UBE2G1: variants seen among roughly 807,000 people sequenced by gnomAD.
The protein encoded by UBE2G1 is ubiquitin conjugating enzyme E2 G1, also known as ubiquitin-conjugating enzyme E2 G1.
A neutral mutation model predicts 22.7 loss-of-function variants in UBE2G1; 5 were observed. The observed-to-expected ratio is 0.22, with a 90% CI of 0.12 to 0.46. The LOEUF is 0.46. Ranked by LOEUF, UBE2G1 falls within the 20% of genes least tolerant of loss-of-function variation. The probability of loss-of-function intolerance (pLI) is 0.99; values close to 1 mark genes in which losing one functional copy is unlikely to be tolerated. For missense variants in UBE2G1, 88 were observed against 203.9 expected (o/e 0.43, Z 3.46); for synonymous variants, 74 against 67.5 (o/e 1.10, Z -0.47).
chr17:4,353,135 T>G (rs1225985561), intron 1 of UBE2G1, among the ~76,000 whole-genome samples: 1 of 152,020 alleles, frequency 6.6e-6, no homozygotes, highest in Non-Finnish European at 1.5e-5. Flanking sequence ...GGAGAATTGC[T>G]TGAACCCAGG....
At chr17:4,337,487 T>C (rs1455151706) in intron 1 of UBE2G1, among the ~76,000 whole-genome samples, 1 of 151,666 alleles carries the variant, frequency 6.6e-6, no homozygotes, top group East Asian at 1.9e-4. Context: ...ACCCTGACTC[T>C]ACTAAAAATA....
At chr17:4,327,667 A>G (rs1172029153) in intron 1 of UBE2G1, among the ~76,000 whole-genome samples, 1 of 152,148 alleles carries the variant, frequency 6.6e-6, no homozygotes, top group Non-Finnish European at 1.5e-5. Flanking sequence ...AAAGTCCAAT[A>G]TACATATCAG....
At chr17:4,337,429 G>A (rs1969662034) in intron 1 of UBE2G1, among the ~76,000 whole-genome samples, 1 of 151,926 alleles carries the variant, frequency 6.6e-6, no homozygotes, top group Non-Finnish European at 1.5e-5. Context: ...GAGGCAGGTG[G>A]ATCACCTGAG....
At chr17:4,285,499 CA>C (rs1219481855) in intron 4 of UBE2G1, among the ~76,000 whole-genome samples, 3 of 152,018 alleles carry the variant, frequency 2.0e-5, no homozygotes, top group African/African-American at 7.3e-5. Context: ...ATTTAATTGC[CA>C]CATACCCTAA....
chr17:4,328,867 A>G (rs1306784267), intron 1 of UBE2G1, among the ~76,000 whole-genome samples: 1 of 152,154 alleles, frequency 6.6e-6, no homozygotes, highest in Non-Finnish European at 1.5e-5. Context: ...CGGGCAGATC[A>G]CGAGGTCAGG....
chr17:4,286,279 C>A (rs992943674), intron 4 of UBE2G1, among the ~76,000 whole-genome samples: 3 of 151,758 alleles, frequency 2.0e-5, no homozygotes, highest in Non-Finnish European at 4.4e-5. Flanking sequence ...GTGGCAGATG[C>A]CTGTAATCCC....
At chr17:4,302,537 C>T in intron 2 of UBE2G1, 1 of 416,358 alleles carries the variant, frequency 2.4e-6, no homozygotes, top group East Asian at 6.0e-5. Flanking sequence ...ATGGATGATA[C>T]TGGACACTGG....
intron 5 of UBE2G1, among the ~76,000 whole-genome samples, chr17:4,274,771 G>A (rs969910228): frequency 2.0e-5 from 3 of 152,168 alleles, no homozygotes; most frequent in Non-Finnish European, 4.4e-5. Flanking sequence ...CCCAAGAGAT[G>A]GCCAGGCACA....
At chr17:4,365,298 T>C (rs997705419) in intron 1 of UBE2G1, among the ~76,000 whole-genome samples, 2 of 152,212 alleles carry the variant, frequency 1.3e-5, no homozygotes, top group Admixed American at 6.5e-5. Context: ...GGCTGCATTG[T>C]GAAGCCACCA....
At chr17:4,357,242 G>A (rs1449559598) in intron 1 of UBE2G1, among the ~76,000 whole-genome samples, 2 of 152,044 alleles carry the variant, frequency 1.3e-5, no homozygotes, top group African/African-American at 4.8e-5. Context: ...CTGGTTTCAA[G>A]TAACCCTTAT....
intron 2 of UBE2G1, among the ~76,000 whole-genome samples, chr17:4,298,287 C>T (rs1014498863): frequency 6.6e-6 from 1 of 152,092 alleles, no homozygotes. Flanking sequence ...GATTGCACCA[C>T]TGCACTGCAC....
intron 1 of UBE2G1, among the ~76,000 whole-genome samples, chr17:4,320,899 T>C (rs921035673): frequency 6.6e-6 from 1 of 151,928 alleles, no homozygotes; most frequent in African/African-American, 2.4e-5. Flanking sequence ...TAATGCTGCC[T>C]AGGTATGAGC....
chr17:4,357,147 C>G (rs1969915199), intron 1 of UBE2G1, among the ~76,000 whole-genome samples: 1 of 151,822 alleles, frequency 6.6e-6, no homozygotes, highest in Admixed American at 6.6e-5. Context: ...AAAAAATAAA[C>G]AATTCCTAAG....
At chr17:4,278,014 G>A (rs747908427) in intron 5 of UBE2G1, among the ~76,000 whole-genome samples, 8 of 151,782 alleles carry the variant, frequency 5.3e-5, no homozygotes, top group African/African-American at 1.5e-4. Flanking sequence ...ATTCTCCTGC[G>A]TCAGCCTCCC....
chr17:4,280,441 G>A (rs2143679467), intron 5 of UBE2G1, among the ~76,000 whole-genome samples: 1 of 139,544 alleles, frequency 7.2e-6, no homozygotes, highest in East Asian at 2.2e-4. Context: ...CCGCCTCCTG[G>A]GTTCAAGTGA....
chr17:4,353,904 GC>G (rs1969875827), intron 1 of UBE2G1, among the ~76,000 whole-genome samples: 1 of 141,068 alleles, frequency 7.1e-6, no homozygotes, highest in African/African-American at 2.7e-5. Flanking sequence ...TGCAACCTCT[GC>G]CTTCTGGGTT....
At chr17:4,325,909 T>C (rs1189469708) in intron 1 of UBE2G1, among the ~76,000 whole-genome samples, 1 of 152,126 alleles carries the variant, frequency 6.6e-6, no homozygotes, top group Non-Finnish European at 1.5e-5. Flanking sequence ...AAACTGGGTA[T>C]CCATAAGCAA....
intron 1 of UBE2G1, among the ~76,000 whole-genome samples, chr17:4,358,405 A>C (rs1969930831): frequency 6.6e-6 from 1 of 151,878 alleles, no homozygotes. Flanking sequence ...AGCTGAAACT[A>C]CAGATGAGAG....
chr17:4,305,898 A>C (rs1408181645), intron 2 of UBE2G1, among the ~76,000 whole-genome samples: 1 of 152,212 alleles, frequency 6.6e-6, no homozygotes, highest in Non-Finnish European at 1.5e-5. Context: ...GTCTGCAAAC[A>C]CTCAGAGCAG....
Sources: gnomAD v4.1 joint callset for allele counts (sites outside exome capture counted in the v4.1 genomes callset) on GRCh38, gnomAD v4.1.1 for gene constraint, MANE v1.5 for transcripts, NCBI Gene and HGNC (gene_info 2026-07-23, HGNC 2026-07-21) for gene names.